The following TLK2 variants were observed in gnomAD, a reference collection of about 807,000 sequenced individuals.
TLK2 encodes the protein tousled like kinase 2.
TLK2 carries 6 observed loss-of-function variants against 117.3 expected under a neutral mutation model. The observed-to-expected ratio is 0.05, with a 90% CI of 0.03 to 0.10. The LOEUF is 0.10. Among genes scored for constraint, TLK2 ranks in the 10% least tolerant of loss-of-function variants. The pLI is 1.00. For missense variants in TLK2, 299 were observed against 901.2 expected (o/e 0.33, Z 8.56); for synonymous variants, 257 against 316.7 (o/e 0.81, Z 2.00).
intron 2 of TLK2, among the ~76,000 whole-genome samples, chr17:62,505,250 A>C (rs1257872229): frequency 6.6e-6 from 1 of 151,854 alleles, no homozygotes; most frequent in Non-Finnish European, 1.5e-5. Context: ...CTTATTTTAA[A>C]ATTTTGTTTT....
intron 7 of TLK2, among the ~76,000 whole-genome samples, chr17:62,546,341 A>ATTTTTTTTTTTTTTTTT (rs1385208928): frequency 1.7e-3 from 15 of 8,854 alleles, no homozygotes; most frequent in South Asian, 8.8e-3. Context: ...GAGTTTGTTG[A>ATTTTTTTTTTTTTTTTT]TTGTTTTTTT....
chr17:62,477,843 G>A (rs1043359692), upstream of TLK2: 8 of 152,290 alleles, frequency 5.3e-5, no homozygotes, highest in African/African-American at 1.4e-4. Context: ...TTCCTCAGGA[G>A]ATACTCTGTG....
intron 16 of TLK2, among the ~76,000 whole-genome samples, chr17:62,592,475 T>G (rs536659360): frequency 3.7e-4 from 57 of 152,352 alleles, no homozygotes; most frequent in Non-Finnish European, 5.4e-4. Context: ...TAGGTGATTT[T>G]GTTGTTGTGC....
intron 7 of TLK2, among the ~76,000 whole-genome samples, chr17:62,547,492 C>T (rs1459552040): frequency 1.8e-4 from 28 of 152,124 alleles, no homozygotes; most frequent in Admixed American, 1.7e-3. Context: ...AGCATTGTCA[C>T]ATGAGATCCC....
At chr17:62,572,045 C>G (rs925927929) in intron 11 of TLK2, among the ~76,000 whole-genome samples, 3 of 152,008 alleles carry the variant, frequency 2.0e-5, no homozygotes, top group African/African-American at 7.2e-5. Flanking sequence ...TGGCGCACAC[C>G]TGTAATCCCA....
chr17:62,560,655 AT>A lies in TLK2; in HGVS notation c.831+531del, dbSNP rs561839831. Among the ~76,000 whole-genome samples the A allele has an allele frequency of 5.3e-3, 797 of 151,144 alleles. 31 individuals are homozygous for A. In the South Asian group the frequency reaches 0.083, roughly 16 times the overall value. On this transcript the variant is annotated intron_variant, in intron 10 of 21. Coordinates refer to ENST00000346027, the MANE Select transcript of TLK2 (RefSeq NM_006852.6). ...TCTCTGTTAATAGGTATTAGTAACT[AT>A]TAGAATTTTTTTTTTTTTTTTTTGA...
At position 62,520,805 on chromosome 17, in the gene TLK2, C is replaced by T. The variant is rs1456178623; in HGVS notation, c.114C>T (p.Ser38=). Residue 38 remains serine, a synonymous_variant, in exon 3 of 22, where the codon AGC becomes AGT. Coordinates refer to ENST00000346027, the MANE Select transcript of TLK2 (RefSeq NM_006852.6). Reference sequence around the variant, plus strand: ...TTAATAGTGAGTCTTCCAACCAGAGCTTGTGCAGCGTCGGATCCTTGAGTG... The same window carrying T: ...TTAATAGTGAGTCTTCCAACCAGAGTTTGTGCAGCGTCGGATCCTTGAGTG... ...GPLNSESSNQ[S]LCSVGSLSDK... 4 of 1,612,798 alleles carry T rather than the reference C, an allele frequency of 2.5e-6. No individual in the cohort carries two copies. In the East Asian group the frequency reaches 8.9e-5, roughly 36 times the overall value.
chr17:62,524,367 T>C lies in TLK2; in HGVS notation c.363+36T>C, dbSNP rs367552854. On this transcript the variant is annotated intron_variant, in intron 6 of 21. Transcript: ENST00000346027. ...ACCTGGAGAAATTTGACACCTGTTG[T>C]AGGAGACAAGATGCCCAGAAACACT... 2,013 of 1,579,986 alleles carry C rather than the reference T, an allele frequency of 1.3e-3. 3 individuals are homozygous for C. Among genetic ancestry groups the C allele is most frequent in the Non-Finnish European group, 1.6e-3 (1,823 of 1,159,910 alleles).
At chr17:62,549,418 A>AGT (rs1438441681) in intron 7 of TLK2, among the ~76,000 whole-genome samples, 3 of 8,536 alleles carry the variant, frequency 3.5e-4, no homozygotes, top group South Asian at 0.019. Context: ...AAAAAAAAAA[A>AGT]AAAAAAAAAA....
intron 11 of TLK2, among the ~76,000 whole-genome samples, chr17:62,568,250 G>A (rs1388495470): frequency 1.3e-5 from 2 of 151,920 alleles, no homozygotes; most frequent in Non-Finnish European, 2.9e-5. Context: ...TGGCCAAAAT[G>A]ATGAAACCCT....
At chr17:62,508,030 A>T (rs1246991191) in intron 2 of TLK2, among the ~76,000 whole-genome samples, 2 of 152,162 alleles carry the variant, frequency 1.3e-5, no homozygotes, top group African/African-American at 2.4e-5. Context: ...GAGGTAGTTT[A>T]AATGTTGTCA....
intron 7 of TLK2, among the ~76,000 whole-genome samples, chr17:62,538,856 G>A (rs1360035495): frequency 6.6e-6 from 1 of 152,178 alleles, no homozygotes; most frequent in African/African-American, 2.4e-5. Context: ...AATAGTAAAA[G>A]GGTTAGTATT....
chr17:62,513,108 G>C (rs1398541964), intron 2 of TLK2, among the ~76,000 whole-genome samples: 2 of 151,452 alleles, frequency 1.3e-5, no homozygotes, highest in African/African-American at 4.8e-5. Context: ...TTGAACACCA[G>C]ACCTCAGGTG....
intron 6 of TLK2, among the ~76,000 whole-genome samples, chr17:62,529,498 T>A (rs1395458795): frequency 6.6e-6 from 1 of 152,164 alleles, no homozygotes; most frequent in Non-Finnish European, 1.5e-5. Context: ...CCTCCCAAAG[T>A]ATTGGGATTA....
At chr17:62,567,511 GT>G (rs1286201714) in intron 11 of TLK2, among the ~76,000 whole-genome samples, 2 of 152,174 alleles carry the variant, frequency 1.3e-5, no homozygotes, top group African/African-American at 4.8e-5. Context: ...TTGGGAAGAT[GT>G]TTCTGGCTGA....
intron 21 of TLK2, 39 bp from the exon 22 acceptor site, chr17:62,612,353 G>A (rs1247572379): frequency 2.5e-6 from 4 of 1,596,532 alleles, no homozygotes; most frequent in East Asian, 2.2e-5. Flanking sequence ...GGGGTGCCAA[G>A]ACTATCTGCC....
chr17:62,472,303 T>G (rs2144190740), intron 1 of TLK2, among the ~76,000 whole-genome samples: 1 of 152,166 alleles, frequency 6.6e-6, no homozygotes, highest in East Asian at 1.9e-4. Flanking sequence ...GCCTACAGTT[T>G]GCAGCCAACC....
At chr17:62,534,639 G>A (rs1385654209) in intron 6 of TLK2, among the ~76,000 whole-genome samples, 1 of 151,728 alleles carries the variant, frequency 6.6e-6, no homozygotes, top group East Asian at 1.9e-4. Context: ...GGTTTCCTTT[G>A]TGAATGGTTA....
intron 6 of TLK2, among the ~76,000 whole-genome samples, chr17:62,533,202 G>A (rs950548085): frequency 1.3e-5 from 2 of 151,168 alleles, no homozygotes; most frequent in African/African-American, 2.4e-5. Context: ...TTGTTATATT[G>A]TAAATATTTT....
Sources: allele counts gnomAD v4.1 joint callset (sites outside exome capture counted in the v4.1 genomes callset), GRCh38; gene constraint gnomAD v4.1.1; transcripts MANE v1.5; gene names NCBI Gene and HGNC (gene_info 2026-07-23, HGNC 2026-07-21).